The following TFB1M variants were observed in gnomAD, a reference collection of about 807,000 sequenced individuals.
TFB1M encodes the protein transcription factor B1, mitochondrial.
Under a neutral mutation model 31.1 loss-of-function variants are expected in TFB1M, and 27 were observed. The ratio of observed to expected loss-of-function variants is 0.87; its 90% CI spans 0.64 to 1.20. TFB1M has a LOEUF of 1.20. Ranked by LOEUF, TFB1M falls within the 50% of genes most tolerant of loss-of-function variation. The pLI is 0.00. For missense variants in TFB1M, 394 were observed against 418.7 expected, an observed-to-expected ratio of 0.94 and a Z score of 0.51; for synonymous variants, 166 against 151.8, an observed-to-expected ratio of 1.09 and a Z score of -0.69.
At chr6:155,270,921 T>G (rs1784888637) in intron 5 of TFB1M, among the ~76,000 whole-genome samples, 1 of 152,058 alleles carries the variant, frequency 6.6e-6, no homozygotes, top group African/African-American at 2.4e-5. Flanking sequence ...TGAAATAAAA[T>G]CAAAGAACAA....
At position 155,288,995 on chromosome 6, in the gene TFB1M, T is replaced by A. The variant is rs551847717; in HGVS notation, c.547-3718A>T. 2.2e-4 allele frequency among the ~76,000 whole-genome samples: 33 copies of A among 152,208 alleles called. 2 individuals carry two copies. The highest frequency in any genetic ancestry group is 7.7e-4 in the African/African-American group (32 of 41,548). On this transcript the variant is annotated intron_variant, in intron 4 of 6. Transcript: ENST00000367166. ...TCTTTAAAAGGAAACCTCTAACCCTTGAGCTTTTAAAAAGCATTTTGATGG... is the reference window on the plus strand; with the variant it reads ...TCTTTAAAAGGAAACCTCTAACCCTAGAGCTTTTAAAAAGCATTTTGATGG...
chr6:155,250,737 C>A, the TFB1M span: 2 of 1,146,002 alleles, frequency 1.7e-6, no homozygotes, highest in Non-Finnish European at 1.2e-6. Flanking sequence ...CACTTGGGTG[C>A]TTAACTCATA....
intron 5 of TFB1M, among the ~76,000 whole-genome samples, chr6:155,261,313 T>C (rs533024757): frequency 2.0e-5 from 3 of 152,316 alleles, no homozygotes; most frequent in Non-Finnish European, 4.4e-5. Flanking sequence ...GAGGATCTCA[T>C]ACAGACTCAA....
intron 3 of TFB1M, among the ~76,000 whole-genome samples, chr6:155,297,776 G>C: frequency 6.6e-6 from 1 of 152,220 alleles, no homozygotes; most frequent in African/African-American, 2.4e-5. Context: ...TTTGAAACAG[G>C]TAATGAGGAA....
chr6:155,303,519 C>T (rs887757589), intron 2 of TFB1M: 1 of 152,142 alleles, frequency 6.6e-6, no homozygotes. Flanking sequence ...CCACTTTTTG[C>T]TTACTTGTTG....
At chr6:155,314,062 C>A in intron 1 of TFB1M, 1 of 1,407,336 alleles carries the variant, frequency 7.1e-7, no homozygotes, top group Non-Finnish European at 9.3e-7. Context: ...ATTTATGCAG[C>A]CTGCCGGCAG....
intron 5 of TFB1M, among the ~76,000 whole-genome samples, chr6:155,262,435 C>T (rs1320582233): frequency 1.3e-5 from 2 of 152,140 alleles, no homozygotes; most frequent in East Asian, 1.9e-4. Context: ...ACTGGACTCT[C>T]CATTTCCCTT....
At chr6:155,312,020 T>C (rs1778035907) in intron 1 of TFB1M, among the ~76,000 whole-genome samples, 1 of 152,128 alleles carries the variant, frequency 6.6e-6, no homozygotes, top group African/African-American at 2.4e-5. Context: ...TAAGACATCA[T>C]AAAAAGGTAG....
chr6:155,289,590 C>T (rs771366901), intron 4 of TFB1M, among the ~76,000 whole-genome samples: 8 of 152,112 alleles, frequency 5.3e-5, no homozygotes, highest in Non-Finnish European at 1.2e-4. Context: ...AGGAATAAGA[C>T]GACGGTGCTC....
intron 5 of TFB1M, among the ~76,000 whole-genome samples, chr6:155,284,077 A>G (rs566349953): frequency 6.6e-6 from 1 of 152,314 alleles, no homozygotes; most frequent in South Asian, 2.1e-4. Flanking sequence ...AAAAGCTGAC[A>G]ATTATGTCTG....
chr6:155,296,695 C>CGATGGCTGTTGCATCCCTGTGGCATT (rs1307072255), intron 4 of TFB1M, among the ~76,000 whole-genome samples: 1 of 152,272 alleles, frequency 6.6e-6, no homozygotes, highest in African/African-American at 2.4e-5. Context: ...CCAGTGGCAT[C>CGATGGCTGTTGCATCCCTGTGGCATT]GATGGCTGTT....
At chr6:155,270,766 CAGCG>C (rs1348630012) in intron 5 of TFB1M, among the ~76,000 whole-genome samples, 1 of 152,186 alleles carries the variant, frequency 6.6e-6, no homozygotes, top group Admixed American at 6.5e-5. Flanking sequence ...CCATGGCGAC[CAGCG>C]AAACAAGCCA....
chr6:155,272,029 T>C (rs1454198290), intron 5 of TFB1M, among the ~76,000 whole-genome samples: 1 of 152,188 alleles, frequency 6.6e-6, no homozygotes, highest in East Asian at 1.9e-4. Context: ...GATTTCTACG[T>C]TGTCCTTTAT....
chr6:155,308,829 T>C (rs1392676152), intron 2 of TFB1M, among the ~76,000 whole-genome samples: 3 of 152,182 alleles, frequency 2.0e-5, no homozygotes, highest in Non-Finnish European at 4.4e-5. Context: ...ATCACTAAAA[T>C]GGTATCCTTA....
At chr6:155,246,665 G>A in the TFB1M span, among the ~76,000 whole-genome samples, 2 of 152,064 alleles carry the variant, frequency 1.3e-5, no homozygotes. Flanking sequence ...ACAGTCTGTA[G>A]TACAGTGAAA....
At chr6:155,248,112 C>T in the TFB1M span, 1 of 1,614,194 alleles carries the variant, frequency 6.2e-7, no homozygotes, top group Non-Finnish European at 8.5e-7. Context: ...TGCTCAAGTA[C>T]CCGCTGCTGC....
intron 2 of TFB1M, 49 bp downstream of exon 2, chr6:155,311,139 A>T (rs1692766231): frequency 6.2e-7 from 1 of 1,607,842 alleles, no homozygotes; most frequent in Admixed American, 1.7e-5. Flanking sequence ...TGGCATAAAG[A>T]TTTAAATTCA....
At position 155,258,088 on chromosome 6, in the gene TFB1M, G is replaced by A; in HGVS notation, c.795-6C>T. ...GCGCTTCAGGGAATAACATTCTGAGGGGAAGACAGACAGACAGAAAAATAA... is the reference window on the plus strand; with the variant it reads ...GCGCTTCAGGGAATAACATTCTGAGAGGAAGACAGACAGACAGAAAAATAA... On this transcript the variant is annotated splice_region_variant and splice_polypyrimidine_tract_variant and intron_variant, in intron 6 of 6. Coordinates refer to ENST00000367166, the MANE Select transcript of TFB1M (RefSeq NM_016020.4). 1 of 1,614,086 alleles carries A rather than the reference G, an allele frequency of 6.2e-7. No homozygotes were observed. The highest frequency in any genetic ancestry group is 8.5e-7 in the Non-Finnish European group (1 of 1,180,004).
intron 3 of TFB1M, among the ~76,000 whole-genome samples, chr6:155,297,761 T>A (rs1331319144): frequency 1.3e-5 from 2 of 152,196 alleles, no homozygotes; most frequent in Non-Finnish European, 2.9e-5. Flanking sequence ...CTCAGTCAGA[T>A]AAGGTTTGAA....
Sources: gnomAD v4.1 joint callset for allele counts (sites outside exome capture counted in the v4.1 genomes callset) on GRCh38, gnomAD v4.1.1 for gene constraint, MANE v1.5 for transcripts, NCBI Gene and HGNC (gene_info 2026-07-23, HGNC 2026-07-21) for gene names.